Variants in EBF1 observed in about 807,000 individuals in gnomAD.
EBF1 encodes the protein EBF transcription factor 1.
A neutral mutation model predicts 68.4 loss-of-function variants in EBF1; 10 were observed. That is an observed-to-expected ratio of 0.15 (90% CI 0.09 to 0.25). The LOEUF (loss-of-function observed/expected upper bound fraction) is 0.25. Ranked by LOEUF, EBF1 falls within the 10% of genes least tolerant of loss-of-function variation. EBF1 has a pLI of 1.00. For synonymous variants in EBF1, 298 were observed against 299.8 expected (o/e 0.99, Z 0.06); for missense variants, 509 against 794.4 (o/e 0.64, Z 4.32).
At chr5:158,944,645 C>G (rs1814243084) in intron 6 of EBF1, among the ~76,000 whole-genome samples, 1 of 152,352 alleles carries the variant, frequency 6.6e-6, no homozygotes, top group Non-Finnish European at 1.5e-5. Context: ...AATCACCACA[C>G]TATCTTCCAC....
chr5:158,880,282 G>T (rs190553546), intron 6 of EBF1, among the ~76,000 whole-genome samples: 38 of 152,222 alleles, frequency 2.5e-4, no homozygotes, highest in African/African-American at 7.9e-4. Flanking sequence ...GCTCACAAGG[G>T]TTATAAACTT....
intron 6 of EBF1, among the ~76,000 whole-genome samples, chr5:158,934,170 GAC>G (rs1452839043): frequency 6.6e-6 from 1 of 152,154 alleles, no homozygotes; most frequent in Non-Finnish European, 1.5e-5. Context: ...TTAAAGGGAT[GAC>G]ACAGACTCTC....
Position 158,838,376 on chromosome 5 carries a change from G to A in EBF1, c.636+1653C>T, listed in dbSNP as rs566804738. Among the ~76,000 whole-genome samples, 3 of 146,878 alleles carry A rather than the reference G, an allele frequency of 2.0e-5. No homozygotes were observed. In the East Asian group the frequency reaches 6.1e-4, roughly 30 times the overall value. On this transcript the variant is annotated intron_variant, in intron 7 of 15. Coordinates refer to ENST00000313708, the MANE Select transcript of EBF1 (RefSeq NM_024007.5). The stretch of plus-strand genomic sequence containing the variant: ...CAGGAGAATGGCATGAACCCGGGAG[G>A]CAGAGCTTGCAGTGAGCCAAGATTG...
intron 6 of EBF1, among the ~76,000 whole-genome samples, chr5:158,990,343 G>A (rs1760062922): frequency 6.6e-6 from 1 of 152,240 alleles, no homozygotes; most frequent in African/African-American, 2.4e-5. Context: ...TTCTTCACTG[G>A]AGAAAGGCAT....
chr5:158,696,004 AT>A lies in EBF1; in HGVS notation c.*3106del, dbSNP rs1182918041. 2.6e-5 allele frequency: 5 copies of A among 193,086 alleles called. No individual in the cohort carries two copies. The highest frequency in any genetic ancestry group is 4.8e-5 in the African/African-American group (2 of 41,330). 12.0% of individuals were successfully genotyped at this position (193,086 alleles called of 1,614,324 possible). On this transcript the variant is annotated 3_prime_UTR_variant, in exon 16 of 16. Coordinates refer to ENST00000313708, the MANE Select transcript of EBF1 (RefSeq NM_024007.5). ...GAATTTTTGCAAAAAAAAAAAAAAA[AT>A]TTAACAATCTCTACAGTAGTTAGGT...
At chr5:158,777,765 T>C (rs1233339106) in intron 9 of EBF1, among the ~76,000 whole-genome samples, 1 of 152,206 alleles carries the variant, frequency 6.6e-6, no homozygotes, top group Non-Finnish European at 1.5e-5. Flanking sequence ...GCAGGCCCTC[T>C]GCTTCCTGGT....
Position 158,699,105 on chromosome 5 carries a change from A to ATTCTT in EBF1, c.*1_*5dup, listed in dbSNP as rs773246626. ...TTCATTAATACAATTCTTCAAGGCA[A>ATTCTT]TTCTTTCACATAGGAGGAACAATCA... On this transcript the variant is annotated 3_prime_UTR_variant, in exon 16 of 16. Transcript: ENST00000313708. The ATTCTT allele has an allele frequency of 1.2e-6, 2 of 1,607,438 alleles. No homozygotes were observed. Among genetic ancestry groups the ATTCTT allele is most frequent in the Non-Finnish European group, 1.7e-6 (2 of 1,177,156 alleles).
chr5:158,793,581 A>G (rs1389471759), intron 9 of EBF1, among the ~76,000 whole-genome samples: 1 of 152,258 alleles, frequency 6.6e-6, no homozygotes, highest in Non-Finnish European at 1.5e-5. Context: ...TTATAAAAAA[A>G]ATATGGTATA....
intron 8 of EBF1, among the ~76,000 whole-genome samples, chr5:158,815,295 G>T (rs115377746): frequency 0.016 from 2,485 of 152,232 alleles, 27 homozygotes; most frequent in South Asian, 0.038. Flanking sequence ...TCTTAGCACT[G>T]TTATTAGGCA....
At chr5:159,051,467 G>C (rs1282942610) in intron 6 of EBF1, among the ~76,000 whole-genome samples, 2 of 138,442 alleles carry the variant, frequency 1.4e-5, no homozygotes, top group Admixed American at 7.5e-5. Context: ...GGCGGCTGAC[G>C]GCTCCCGCTC....
Position 158,758,433 on chromosome 5 carries a change from C to T in EBF1, c.1036+18980G>A, listed in dbSNP as rs1046169228. ...CTGAATTTGAGACTACACTATGAAA[C>T]AACCAGCAGAATGGCCAACAGTTGA... On this transcript the variant is annotated intron_variant, in intron 10 of 15. Transcript: ENST00000313708. Among the ~76,000 whole-genome samples, 7 of 152,156 alleles carry T rather than the reference C, an allele frequency of 4.6e-5. No homozygotes were observed. In the East Asian group the frequency reaches 9.6e-4, roughly 21 times the overall value.
At chr5:158,941,391 C>T (rs1456842917) in intron 6 of EBF1, among the ~76,000 whole-genome samples, 1 of 152,210 alleles carries the variant, frequency 6.6e-6, no homozygotes, top group Admixed American at 6.5e-5. Context: ...TAGTCAGAGC[C>T]TAATAACACT....
intron 6 of EBF1, among the ~76,000 whole-genome samples, chr5:158,989,852 C>T (rs1759911240): frequency 6.6e-6 from 1 of 152,150 alleles, no homozygotes; most frequent in Non-Finnish European, 1.5e-5. Context: ...CCTGACCTCC[C>T]CTGCTAAGTG....
At chr5:158,789,198 T>C (rs1452275610) in intron 9 of EBF1, among the ~76,000 whole-genome samples, 2 of 152,142 alleles carry the variant, frequency 1.3e-5, no homozygotes, top group Non-Finnish European at 2.9e-5. Flanking sequence ...ATATAGGACA[T>C]GAAACATATT....
chr5:158,824,805 A>G (rs1364997786), intron 7 of EBF1, among the ~76,000 whole-genome samples: 1 of 152,214 alleles, frequency 6.6e-6, no homozygotes, highest in Non-Finnish European at 1.5e-5. Context: ...CCCATACTTA[A>G]AAGTTCCACT....
chr5:159,041,521 G>T (rs1771198006), intron 6 of EBF1, among the ~76,000 whole-genome samples: 1 of 151,940 alleles, frequency 6.6e-6, no homozygotes, highest in Non-Finnish European at 1.5e-5. Flanking sequence ...TTTTCTTTCT[G>T]CATTTTAGTC....
chr5:158,713,355 C>T (rs1358408261), intron 12 of EBF1, among the ~76,000 whole-genome samples: 1 of 152,152 alleles, frequency 6.6e-6, no homozygotes, highest in Non-Finnish European at 1.5e-5. Context: ...AGTCAAAAAC[C>T]TCACCGAAGT....
At chr5:158,839,369 T>C (rs1180738517) in intron 7 of EBF1, among the ~76,000 whole-genome samples, 1 of 151,948 alleles carries the variant, frequency 6.6e-6, no homozygotes, top group Non-Finnish European at 1.5e-5. Flanking sequence ...TACTGTTTTT[T>C]GTTTGTTTGT....
At chr5:158,942,031 A>G (rs1052627957) in intron 6 of EBF1, among the ~76,000 whole-genome samples, 6 of 152,242 alleles carry the variant, frequency 3.9e-5, no homozygotes, top group African/African-American at 1.4e-4. Context: ...TTTTATAAAT[A>G]TGCAATATTC....
Sources: gnomAD v4.1 joint callset for allele counts (sites outside exome capture counted in the v4.1 genomes callset) on GRCh38, gnomAD v4.1.1 for gene constraint, MANE v1.5 for transcripts, NCBI Gene and HGNC (gene_info 2026-07-23, HGNC 2026-07-21) for gene names.